Variants in CNTN6 observed in about 807,000 individuals in gnomAD.
CNTN6 encodes contactin 6.
A neutral mutation model predicts 122.8 loss-of-function variants in CNTN6; 137 were observed. That is an observed-to-expected ratio of 1.12 (90% confidence interval 0.97 to 1.29). CNTN6 has a LOEUF of 1.29. CNTN6 is among the 50% of genes most tolerant of loss of function. The pLI is 0.00. For missense variants in CNTN6, 1,634 were observed against 1,223.4 expected (o/e 1.34, Z -5.01); for synonymous variants, 570 against 426.0 (o/e 1.34, Z -4.16).
chr3:1,215,664 T>G (rs2094120157), intron 2 of CNTN6, among the ~76,000 whole-genome samples: 2 of 152,102 alleles, frequency 1.3e-5, no homozygotes, highest in African/African-American at 4.8e-5. Context: ...TTGAGTATTT[T>G]CCCTGTCTTG....
At chr3:1,247,637 C>T (rs1193605545) in intron 4 of CNTN6, among the ~76,000 whole-genome samples, 4 of 152,094 alleles carry the variant, frequency 2.6e-5, no homozygotes, top group Non-Finnish European at 4.4e-5. Context: ...AAAAATATAA[C>T]AACTGTTTCT....
intron 4 of CNTN6, among the ~76,000 whole-genome samples, chr3:1,235,915 G>C (rs1033994473): frequency 2.0e-5 from 3 of 152,008 alleles, no homozygotes; most frequent in Non-Finnish European, 2.9e-5. Flanking sequence ...CACGCTGTGT[G>C]GGGGTGGGGT....
intron 1 of CNTN6, among the ~76,000 whole-genome samples, chr3:1,137,719 T>C (rs1218987457): frequency 6.6e-6 from 1 of 152,230 alleles, no homozygotes; most frequent in Non-Finnish European, 1.5e-5. Context: ...GTAATTATCA[T>C]GTCATCCAGG....
chr3:1,395,848 G>A (rs955186296), intron 20 of CNTN6, among the ~76,000 whole-genome samples: 9 of 152,052 alleles, frequency 5.9e-5, no homozygotes, highest in African/African-American at 2.2e-4. Flanking sequence ...ATAAGTCAAG[G>A]AGTTTGGTAT....
At chr3:1,394,767 A>G (rs1296321997) in intron 20 of CNTN6, among the ~76,000 whole-genome samples, 2 of 152,166 alleles carry the variant, frequency 1.3e-5, no homozygotes, top group Admixed American at 6.5e-5. Flanking sequence ...TGATCCTACA[A>G]ATGGGTTGGA....
chr3:1,319,642 G>A (rs1055566579), intron 7 of CNTN6, among the ~76,000 whole-genome samples: 2 of 151,240 alleles, frequency 1.3e-5, no homozygotes, highest in Admixed American at 6.6e-5. Flanking sequence ...CTTTTCAATT[G>A]GATACTTTGC....
chr3:1,328,994 T>C (rs1701905029), intron 10 of CNTN6, among the ~76,000 whole-genome samples: 2 of 151,556 alleles, frequency 1.3e-5, no homozygotes, highest in Non-Finnish European at 3.0e-5. Flanking sequence ...AGCAATAAAA[T>C]ATTTCTGATT....
intron 2 of CNTN6, among the ~76,000 whole-genome samples, chr3:1,204,631 C>T (rs3772351): frequency 0.4 from 61,265 of 151,632 alleles, 12,740 homozygotes; most frequent in African/African-American, 0.51. Flanking sequence ...ATTTCAGTTC[C>T]CAGTTTATCT....
At chr3:1,286,207 T>C (rs1265209762) in intron 5 of CNTN6, among the ~76,000 whole-genome samples, 1 of 152,198 alleles carries the variant, frequency 6.6e-6, no homozygotes, top group Non-Finnish European at 1.5e-5. Context: ...TTTCTCTTTT[T>C]ATTATCATAC....
rs1016748068 is a variant in CNTN6, at chr3:1,345,100, A to G, written c.1365-7224A>G. ...GGGGTATCAGATGTTCTCTGTGTTT[A>G]ACTACTTATGTACAATTACTTTTTT... On this transcript the variant is annotated intron_variant, in intron 11 of 22. Coordinates refer to ENST00000446702, the MANE Select transcript of CNTN6 (RefSeq NM_001289080.2). Among the ~76,000 whole-genome samples the G allele has an allele frequency of 4.6e-5, 7 of 151,586 alleles. No individual in the cohort carries two copies. In the East Asian group the frequency reaches 7.8e-4, roughly 17 times the overall value.
At chr3:1,103,721 A>G (rs1352283433) in intron 1 of CNTN6, among the ~76,000 whole-genome samples, 2 of 152,188 alleles carry the variant, frequency 1.3e-5, no homozygotes, top group East Asian at 1.9e-4. Flanking sequence ...TGCTTTTACC[A>G]TTAGGGGGCT....
intron 12 of CNTN6, among the ~76,000 whole-genome samples, chr3:1,356,327 T>C (rs1056053761): frequency 3.3e-5 from 5 of 151,792 alleles, no homozygotes; most frequent in Admixed American, 1.3e-4. Context: ...TCAACTGAAA[T>C]GTCGGAACTT....
chr3:1,279,195 C>A (rs76510776), intron 5 of CNTN6, among the ~76,000 whole-genome samples: 9,986 of 152,246 alleles, frequency 0.066, 405 homozygotes, highest in African/African-American at 0.1. Context: ...AAGACTCTGG[C>A]TTGGTCAGTG....
At chr3:1,342,114 G>A (rs1230253448) in intron 11 of CNTN6, among the ~76,000 whole-genome samples, 1 of 151,750 alleles carries the variant, frequency 6.6e-6, no homozygotes, top group Non-Finnish European at 1.5e-5. Context: ...AAAGTACTCA[G>A]GTCTATTTCT....
At chr3:1,170,407 G>A (rs775281025) in intron 2 of CNTN6, among the ~76,000 whole-genome samples, 1 of 152,096 alleles carries the variant, frequency 6.6e-6, no homozygotes, top group Non-Finnish European at 1.5e-5. Flanking sequence ...AAGACCCACA[G>A]TTAGTAGCAG....
chr3:1,236,202 T>C (rs978588748), intron 4 of CNTN6, among the ~76,000 whole-genome samples: 4 of 151,268 alleles, frequency 2.6e-5, no homozygotes, highest in African/African-American at 9.8e-5. Context: ...CTGAGAAACC[T>C]GAATACTTTT....
chr3:1,355,777 A>G (rs189538288), intron 12 of CNTN6, among the ~76,000 whole-genome samples: 1 of 151,944 alleles, frequency 6.6e-6, no homozygotes, highest in Admixed American at 6.6e-5. Flanking sequence ...TTTACTTATC[A>G]GCCTCTGTCA....
intron 11 of CNTN6, among the ~76,000 whole-genome samples, chr3:1,347,924 G>A (rs1704985423): frequency 6.6e-6 from 1 of 151,638 alleles, no homozygotes; most frequent in Non-Finnish European, 1.5e-5. Flanking sequence ...TAGTTCTCAG[G>A]CCTCTTTGTT....
At chr3:1,137,613 A>T (rs1275612338) in intron 1 of CNTN6, among the ~76,000 whole-genome samples, 1 of 152,182 alleles carries the variant, frequency 6.6e-6, no homozygotes, top group South Asian at 2.1e-4. Flanking sequence ...GTCAGAGAGA[A>T]CTAAGCATCT....
Sources: gnomAD v4.1 joint callset for allele counts (sites outside exome capture counted in the v4.1 genomes callset) on GRCh38, gnomAD v4.1.1 for gene constraint, MANE v1.5 for transcripts, NCBI Gene and HGNC (gene_info 2026-07-23, HGNC 2026-07-21) for gene names.